The following MICAL2 variants were observed in gnomAD, a reference collection of about 807,000 sequenced individuals.
MICAL2 encodes microtubule associated monooxygenase, calponin and LIM domain containing 2, also known as [F-actin]-monooxygenase MICAL2.
MICAL2 carries 77 observed loss-of-function variants against 127.3 expected under a neutral mutation model. The observed-to-expected ratio is 0.60, with a 90% CI of 0.50 to 0.73. MICAL2 has a LOEUF of 0.73. Ranked by LOEUF, MICAL2 falls within the 30% of genes least tolerant of loss-of-function variation. MICAL2 has a pLI of 0.00. For missense variants in MICAL2, 1,351 were observed against 1,434.4 expected (o/e 0.94, Z 0.94); for synonymous variants, 570 against 551.1 (o/e 1.03, Z -0.48).
In MICAL2 at chr11:12,270,564, A is replaced by G. The variant is rs562486389; in HGVS notation, c.3335-5422A>G. ...CTGCTGCTCCTCTCTGGGTTGCTTC[A>G]TCCCTGTTTGGCTTTTAGCTCTTCC... On this transcript the variant is annotated intron_variant, in intron 24 of 34. Coordinates refer to the MICAL2 transcript ENST00000646065. Among the ~76,000 whole-genome samples the G allele has an allele frequency of 2.6e-5, 4 of 152,144 alleles. No homozygotes were observed. The East Asian group carries it at 7.7e-4, about 29-fold the overall frequency.
chr11:12,322,905 T>C (rs1424544539), intron 30 of MICAL2, among the ~76,000 whole-genome samples: 2 of 152,338 alleles, frequency 1.3e-5, no homozygotes, highest in Admixed American at 1.3e-4. Flanking sequence ...TATTATTTCA[T>C]TGAGTCCTTA....
At chr11:12,176,450 C>G (rs976987673) in intron 3 of MICAL2, among the ~76,000 whole-genome samples, 4 of 152,202 alleles carry the variant, frequency 2.6e-5, no homozygotes, top group African/African-American at 9.7e-5. Flanking sequence ...CCTCCTTCTA[C>G]TTCTTGAACT....
chr11:12,283,343 T>TAAAAAAAAAA (rs56832587), intron 2 of MICAL2, among the ~76,000 whole-genome samples: 2 of 132,584 alleles, frequency 1.5e-5, no homozygotes, highest in Non-Finnish European at 1.6e-5. Flanking sequence ...GTGTGGAGTT[T>TAAAAAAAAAA]AAAAAAAAAA....
At chr11:12,223,288 A>G in intron 11 of MICAL2, 123 bp from the exon 12 acceptor site, 1 of 798,278 alleles carries the variant, frequency 1.3e-6, no homozygotes, top group Middle Eastern at 2.8e-4. Context: ...GCCGAAGGTC[A>G]TGCCTCCCAG....
chr11:12,136,251 AAT>A (rs1214400176), intron 1 of MICAL2, among the ~76,000 whole-genome samples: 3 of 152,096 alleles, frequency 2.0e-5, no homozygotes, highest in African/African-American at 7.2e-5. Flanking sequence ...TACAAAGGAA[AAT>A]ATAGTGTCAG....
intron 32 of MICAL2, among the ~76,000 whole-genome samples, chr11:12,345,629 T>A (rs537334246): frequency 1.3e-5 from 2 of 152,192 alleles, no homozygotes; most frequent in African/African-American, 4.8e-5. Context: ...GCATACAAAG[T>A]CTTGAATTGG....
chr11:12,338,109 A>C lies in MICAL2; in HGVS notation c.5515+10843A>C, dbSNP rs796532643. Among the ~76,000 whole-genome samples the C allele has an allele frequency of 8.2e-4, 125 of 152,244 alleles. No homozygotes were observed. The Middle Eastern group carries it at 0.014, about 17-fold the overall frequency. ...AGTCTAAGTCTCTTTGTAGGTCACT[A>C]AGGACTTGCTTTATGAATCTGTGTG... is the stretch of plus-strand genomic sequence containing the variant. On this transcript the variant is annotated intron_variant, in intron 32 of 34. Coordinates refer to the MICAL2 transcript ENST00000646065.
chr11:12,257,059 A>G, intron 24 of MICAL2, 88 bp downstream of exon 24: 1 of 1,369,494 alleles, frequency 7.3e-7, no homozygotes, highest in Non-Finnish European at 9.9e-7. Flanking sequence ...TGGTGGCTCT[A>G]GGACACCCAA....
At chr11:12,330,900 A>AGTGT (rs200754218) in intron 32 of MICAL2, among the ~76,000 whole-genome samples, 2,682 of 119,202 alleles carry the variant, frequency 0.022, 67 homozygotes, top group East Asian at 0.097. Context: ...AGAGAGAGAG[A>AGTGT]GTGTGTGTGT....
chr11:12,181,135 G>C (rs895397841), intron 3 of MICAL2, among the ~76,000 whole-genome samples: 3 of 151,952 alleles, frequency 2.0e-5, no homozygotes, highest in African/African-American at 7.3e-5. Flanking sequence ...GTAGAGACAG[G>C]GTTTTGCTAT....
At chr11:12,114,271 A>G (rs1849825627) in intron 1 of MICAL2, among the ~76,000 whole-genome samples, 1 of 152,228 alleles carries the variant, frequency 6.6e-6, no homozygotes, top group South Asian at 2.1e-4. Flanking sequence ...ATAATCCAGT[A>G]TACAACTCTT....
chr11:12,158,950 T>G (rs1379248977), intron 2 of MICAL2, among the ~76,000 whole-genome samples: 1 of 152,220 alleles, frequency 6.6e-6, no homozygotes, highest in East Asian at 1.9e-4. Flanking sequence ...GAGTCATTTT[T>G]AAGGTCTGTG....
chr11:12,296,606 A>G (rs1272117105), downstream of MICAL2, among the ~76,000 whole-genome samples: 1 of 150,338 alleles, frequency 6.7e-6, no homozygotes, highest in Non-Finnish European at 1.5e-5. Flanking sequence ...ATACATTTGC[A>G]TGGTTCAAAA....
intron 16 of MICAL2, 137 bp downstream of exon 16, chr11:12,236,382 T>C (rs929615207): frequency 2.7e-6 from 2 of 754,244 alleles, no homozygotes; most frequent in Non-Finnish European, 2.3e-6. Context: ...CTTGGCGTGA[T>C]GGAAAAACAG....
At chr11:12,355,249 G>A (rs1939112453) in intron 34 of MICAL2, among the ~76,000 whole-genome samples, 1 of 152,142 alleles carries the variant, frequency 6.6e-6, no homozygotes, top group Non-Finnish European at 1.5e-5. Context: ...CTAGTTCAGT[G>A]AGATGAAGGC....
chr11:12,117,293 C>T (rs918385538), intron 1 of MICAL2, among the ~76,000 whole-genome samples: 1 of 152,226 alleles, frequency 6.6e-6, no homozygotes, highest in Non-Finnish European at 1.5e-5. Context: ...TGAGCCACTG[C>T]AACAGCAGGT....
intron 6 of MICAL2, 129 bp from the exon 7 acceptor site, chr11:12,213,126 C>T: frequency 9.2e-7 from 1 of 1,086,950 alleles, no homozygotes; most frequent in Non-Finnish European, 1.3e-6. Flanking sequence ...CCGCTCCTGT[C>T]CACTAGAGAT....
At chr11:12,255,565 T>C in intron 22 of MICAL2, 78 bp from the exon 23 acceptor site, 5 of 1,297,250 alleles carry the variant, frequency 3.9e-6, no homozygotes, top group Admixed American at 1.9e-5. Flanking sequence ...TCCCCATCCA[T>C]CCTGCTTGTG....
intron 15 of MICAL2, among the ~76,000 whole-genome samples, chr11:12,228,265 G>C (rs542041052): frequency 1.3e-5 from 2 of 152,256 alleles, no homozygotes; most frequent in East Asian, 1.9e-4. Context: ...AGGAGGCAGA[G>C]GTTGCAGTGA....
Sources: gnomAD v4.1 joint callset for allele counts (sites outside exome capture counted in the v4.1 genomes callset) on GRCh38, gnomAD v4.1.1 for gene constraint, MANE v1.5 for transcripts, NCBI Gene and HGNC (gene_info 2026-07-23, HGNC 2026-07-21) for gene names.